The following DYM variants were observed in gnomAD, a reference collection of about 807,000 sequenced individuals.
The protein encoded by DYM is dyggve-Melchior-Clausen syndrome protein.
Under a neutral mutation model 93.1 loss-of-function variants are expected in DYM, and 78 were observed. The observed-to-expected ratio is 0.84, with a 90% CI of 0.70 to 1.01. The LOEUF (loss-of-function observed/expected upper bound fraction) is 1.01, where lower values mean the gene tolerates loss of function less well. DYM is among the 50% of genes least tolerant of loss of function. DYM has a pLI of 0.00. For missense variants in DYM, 789 were observed against 845.0 expected, an observed-to-expected ratio of 0.93 and a Z score of 0.82; for synonymous variants, 321 against 319.7, an observed-to-expected ratio of 1.00 and a Z score of -0.04.
intron 15 of DYM, among the ~76,000 whole-genome samples, chr18:49,127,890 G>T (rs115340392): frequency 0.019 from 2,833 of 152,306 alleles, 89 homozygotes; most frequent in African/African-American, 0.061. Flanking sequence ...AGCAGTGGGA[G>T]GGGGAGGCGG....
chr18:49,417,993 G>A (rs1416773332), intron 2 of DYM: 1 of 149,214 alleles, frequency 6.7e-6, no homozygotes, highest in East Asian at 2.0e-4. Context: ...CCGGGAGGCA[G>A]AGGTTGTGGT....
chr18:49,078,390 A>AATAT lies in DYM; in HGVS notation c.2025+19008_2025+19011dup, dbSNP rs60812953. ...ATACCTATGCACCCACAAAAATTAA[A>AATAT]ATATATATATATATATACTACTTCA... On this transcript the variant is annotated intron_variant, in intron 17 of 17. Coordinates refer to ENST00000675505, the MANE Select transcript of DYM (RefSeq NM_001353214.3). 2.6e-3 allele frequency among the ~76,000 whole-genome samples: 389 copies of AATAT among 150,278 alleles called. 2 individuals carry two copies. Among genetic ancestry groups the AATAT allele is most frequent in the African/African-American group, 7.8e-3 (320 of 40,966 alleles).
At chr18:49,244,301 G>A (rs2094114981) in intron 13 of DYM, among the ~76,000 whole-genome samples, 1 of 152,082 alleles carries the variant, frequency 6.6e-6, no homozygotes. Flanking sequence ...TCTGTCACAG[G>A]GTGTCTGGGA....
intron 11 of DYM, among the ~76,000 whole-genome samples, chr18:49,271,764 T>C (rs928723635): frequency 1.7e-4 from 26 of 152,026 alleles, no homozygotes; most frequent in African/African-American, 6.3e-4. Context: ...AGTTAAATTA[T>C]GTTATGTTCT....
chr18:49,460,245 C>A (rs1347140521), intron 1 of DYM, among the ~76,000 whole-genome samples, 153 bp downstream of exon 1: 2 of 152,064 alleles, frequency 1.3e-5, no homozygotes, highest in African/African-American at 4.8e-5. Flanking sequence ...GTGGCCCAGG[C>A]GCCCGCGGGC....
chr18:49,438,269 C>A (rs1370165014), intron 1 of DYM, among the ~76,000 whole-genome samples: 1 of 152,136 alleles, frequency 6.6e-6, no homozygotes, highest in African/African-American at 2.4e-5. Flanking sequence ...AGGAGAGACA[C>A]TGAACAGAAT....
intron 14 of DYM, among the ~76,000 whole-genome samples, chr18:49,196,437 T>C (rs2091455468): frequency 6.2e-5 from 2 of 32,218 alleles, no homozygotes; most frequent in Admixed American, 7.8e-4. Context: ...GGATCAGTGG[T>C]TACACACACA....
chr18:49,231,892 G>C (rs1214645509), intron 13 of DYM, among the ~76,000 whole-genome samples: 1 of 152,146 alleles, frequency 6.6e-6, no homozygotes, highest in East Asian at 1.9e-4. Flanking sequence ...TCTTAAAACT[G>C]CAACGTCTGT....
chr18:49,254,075 T>C (rs550865210), intron 13 of DYM, among the ~76,000 whole-genome samples: 3 of 152,200 alleles, frequency 2.0e-5, no homozygotes, highest in Non-Finnish European at 4.4e-5. Flanking sequence ...TTGTTGTAGT[T>C]GATGATTGCT....
intron 11 of DYM, among the ~76,000 whole-genome samples, chr18:49,269,974 T>A (rs1008009485): frequency 2.6e-5 from 4 of 152,232 alleles, no homozygotes; most frequent in African/African-American, 9.6e-5. Flanking sequence ...AAATCTTTTA[T>A]ACTGTATTTT....
At chr18:49,216,144 G>A (rs1181256993) in intron 13 of DYM, among the ~76,000 whole-genome samples, 2 of 152,212 alleles carry the variant, frequency 1.3e-5, no homozygotes, top group African/African-American at 2.4e-5. Context: ...GAGTCTCACT[G>A]ACTGCTAGCA....
chr18:49,255,874 T>C (rs1197865176), intron 13 of DYM, among the ~76,000 whole-genome samples: 3 of 151,764 alleles, frequency 2.0e-5, no homozygotes, highest in Non-Finnish European at 4.4e-5. Flanking sequence ...AGCTTTCCTA[T>C]CCTTCAAAGT....
intron 6 of DYM, among the ~76,000 whole-genome samples, chr18:49,361,549 T>G: frequency 6.6e-6 from 1 of 152,144 alleles, no homozygotes; most frequent in East Asian, 1.9e-4. Context: ...CAGAGGTAAG[T>G]AAAAATCTTC....
chr18:49,326,882 T>C (rs1428642800), intron 8 of DYM, among the ~76,000 whole-genome samples: 3 of 152,176 alleles, frequency 2.0e-5, no homozygotes, highest in Non-Finnish European at 4.4e-5. Context: ...CTGGTAAGTA[T>C]ACTGTGGTAG....
At chr18:49,196,503 G>T (rs1438631016) in intron 14 of DYM, among the ~76,000 whole-genome samples, 2 of 152,078 alleles carry the variant, frequency 1.3e-5, no homozygotes, top group Non-Finnish European at 2.9e-5. Flanking sequence ...TCTACTCTTA[G>T]AGTGAGAGTG....
intron 6 of DYM, among the ~76,000 whole-genome samples, chr18:49,345,561 C>A (rs1482013785): frequency 6.6e-6 from 1 of 152,044 alleles, no homozygotes; most frequent in Non-Finnish European, 1.5e-5. Context: ...CACATGCAGT[C>A]CCTAAGGTAG....
At chr18:49,318,248 G>C (rs2062163965) in intron 8 of DYM, among the ~76,000 whole-genome samples, 1 of 152,180 alleles carries the variant, frequency 6.6e-6, no homozygotes, top group African/African-American at 2.4e-5. Flanking sequence ...TAAGCCAAGA[G>C]CAATGAAGAA....
intron 6 of DYM, among the ~76,000 whole-genome samples, chr18:49,337,210 G>T (rs1424793319): frequency 2.0e-5 from 3 of 152,170 alleles, no homozygotes; most frequent in African/African-American, 7.2e-5. Flanking sequence ...AATACTCATT[G>T]CAACAAAAAT....
chr18:49,432,335 A>C (rs2080406077), intron 1 of DYM, among the ~76,000 whole-genome samples: 1 of 150,766 alleles, frequency 6.6e-6, no homozygotes, highest in Non-Finnish European at 1.5e-5. Flanking sequence ...GTCTCAAAAA[A>C]AAAAAAAAAA....
Sources: allele counts gnomAD v4.1 joint callset (sites outside exome capture counted in the v4.1 genomes callset), GRCh38; gene constraint gnomAD v4.1.1; transcripts MANE v1.5; gene names NCBI Gene and HGNC (gene_info 2026-07-23, HGNC 2026-07-21).